Variants in EYS observed in about 807,000 individuals in gnomAD.
EYS encodes the protein protein eyes shut homolog.
Under a neutral mutation model 282.1 loss-of-function variants are expected in EYS, and 250 were observed. That is an observed-to-expected ratio of 0.89 (90% CI 0.80 to 0.98). The LOEUF is 0.98. Among genes scored for constraint, EYS ranks in the 50% least tolerant of loss-of-function variants. The pLI is 0.00. For synonymous variants in EYS, 1,355 were observed against 1,282.9 expected, an observed-to-expected ratio of 1.06 and a Z score of -1.20; for missense variants, 4,016 against 3,709.0, an observed-to-expected ratio of 1.08 and a Z score of -2.15.
chr6:65,334,965 A>G lies in EYS; in HGVS notation c.1766+15T>C, dbSNP rs147359582. The G allele has an allele frequency of 1.0e-5, 16 of 1,601,204 alleles. No individual in the cohort carries two copies. In the African/African-American group the frequency reaches 2.0e-4, roughly 20 times the overall value. ...TTGATATGTGATATTATCTGCTCAAATGATACATAAATACCTGGGTCTATT... is the reference window on the plus strand; with the variant it reads ...TTGATATGTGATATTATCTGCTCAAGTGATACATAAATACCTGGGTCTATT... On this transcript the variant is annotated intron_variant, in intron 11 of 42. Coordinates refer to ENST00000503581, the MANE Select transcript of EYS (RefSeq NM_001142800.2).
At chr6:64,430,845 G>A (rs976185635) in intron 28 of EYS, among the ~76,000 whole-genome samples, 5 of 152,026 alleles carry the variant, frequency 3.3e-5, no homozygotes, top group Non-Finnish European at 7.4e-5. Flanking sequence ...GCTGACTGGT[G>A]GAGAATTCAT....
intron 1 of EYS, among the ~76,000 whole-genome samples, chr6:65,671,300 A>T (rs1351428710): frequency 2.0e-5 from 3 of 152,134 alleles, no homozygotes; most frequent in Non-Finnish European, 4.4e-5. Flanking sequence ...ACATGAAAAC[A>T]AAGAGATGTA....
At chr6:64,534,684 T>C (rs1764463580) in intron 26 of EYS, among the ~76,000 whole-genome samples, 1 of 152,212 alleles carries the variant, frequency 6.6e-6, no homozygotes, top group Non-Finnish European at 1.5e-5. Context: ...ATACTAAAAT[T>C]TGGCTGTTCC....
intron 26 of EYS, among the ~76,000 whole-genome samples, 181 bp from the exon 27 acceptor site, chr6:64,439,533 A>G (rs1018523804): frequency 4.6e-5 from 7 of 151,712 alleles, no homozygotes; most frequent in African/African-American, 1.7e-4. Context: ...ATTTCTTTGT[A>G]TTTGATGGCT....
chr6:65,424,343 T>C (rs1472352456), intron 5 of EYS, among the ~76,000 whole-genome samples: 1 of 152,032 alleles, frequency 6.6e-6, no homozygotes, highest in Non-Finnish European at 1.5e-5. Flanking sequence ...TATTATTTTC[T>C]TTAGTCTTAC....
intron 29 of EYS, among the ~76,000 whole-genome samples, chr6:64,324,684 T>C (rs1389220415): frequency 6.6e-6 from 1 of 152,198 alleles, no homozygotes; most frequent in Non-Finnish European, 1.5e-5. Flanking sequence ...ACGATCTTTC[T>C]TCAATGTGAT....
At chr6:65,416,270 A>G (rs927793337) in intron 5 of EYS, among the ~76,000 whole-genome samples, 1 of 151,964 alleles carries the variant, frequency 6.6e-6, no homozygotes, top group Non-Finnish European at 1.5e-5. Context: ...TGGGTTTGCT[A>G]TAAGAGTACA....
intron 37 of EYS, 138 bp downstream of exon 37, chr6:63,806,052 C>T: frequency 2.9e-6 from 2 of 698,920 alleles, no homozygotes; most frequent in Non-Finnish European, 4.7e-6. Context: ...AGCGAACATG[C>T]TCAAGGCAGA....
intron 12 of EYS, among the ~76,000 whole-genome samples, chr6:65,213,120 A>G (rs1766215674): frequency 6.6e-6 from 1 of 152,130 alleles, no homozygotes; most frequent in African/African-American, 2.4e-5. Context: ...AAATTAGCAT[A>G]TATTTGCATG....
chr6:64,792,396 T>A (rs2150001310), intron 22 of EYS, among the ~76,000 whole-genome samples: 1 of 152,040 alleles, frequency 6.6e-6, no homozygotes, highest in African/African-American at 2.4e-5. Context: ...ATTTAGATTG[T>A]TACTGTGGAG....
rs1768044381 is a variant in EYS at position 64,638,580 on chromosome 6, C to CT, written c.3444-12336dup. The stretch of plus-strand genomic sequence containing the variant: ...GTCTTTTTCATTATTTGGGAGAGTT[C>CT]TAGAATGAGCAAGACATCTTGCCTG... On this transcript the variant is annotated intron_variant, in intron 22 of 42. Transcript: ENST00000503581. Among the ~76,000 whole-genome samples the CT allele has an allele frequency of 4.4e-5, 4 of 90,442 alleles. 2 individuals are homozygous for CT. In the South Asian group the frequency reaches 1.8e-3, roughly 41 times the overall value. 59.3% of individuals were successfully genotyped at this position (90,442 alleles called of 152,430 possible).
chr6:63,800,078 A>T (rs1770747377), intron 37 of EYS, among the ~76,000 whole-genome samples: 1 of 152,204 alleles, frequency 6.6e-6, no homozygotes, highest in South Asian at 2.1e-4. Context: ...AAAGGGAAGG[A>T]TGAGAAACAC....
intron 14 of EYS, among the ~76,000 whole-genome samples, chr6:64,962,211 A>G (rs1038687226): frequency 6.6e-5 from 10 of 152,244 alleles, no homozygotes; most frequent in African/African-American, 2.2e-4. Context: ...ACTTTTCAGC[A>G]TAAACACCAT....
intron 2 of EYS, among the ~76,000 whole-genome samples, chr6:65,512,698 A>T (rs571234714): frequency 3.5e-4 from 53 of 152,152 alleles, no homozygotes; most frequent in African/African-American, 1.2e-3. Context: ...TACTGGGCAC[A>T]TAATGAAATG....
intron 30 of EYS, among the ~76,000 whole-genome samples, chr6:64,242,368 C>T (rs1368725129): frequency 2.0e-5 from 3 of 152,112 alleles, no homozygotes; most frequent in Non-Finnish European, 4.4e-5. Flanking sequence ...ATACTTTCTG[C>T]ATTTAAACCA....
At chr6:64,254,126 T>A (rs534713743) in intron 30 of EYS, among the ~76,000 whole-genome samples, 2 of 152,210 alleles carry the variant, frequency 1.3e-5, no homozygotes, top group East Asian at 3.9e-4. Context: ...TAAACAATTA[T>A]TTGGCCTTTC....
chr6:64,087,780 A>C (rs1419049572), intron 31 of EYS, among the ~76,000 whole-genome samples: 1 of 152,124 alleles, frequency 6.6e-6, no homozygotes, highest in Non-Finnish European at 1.5e-5. Context: ...TGATAAGTCC[A>C]CCAGAAAATG....
chr6:64,178,103 C>G (rs538450564), intron 31 of EYS, among the ~76,000 whole-genome samples: 1 of 152,030 alleles, frequency 6.6e-6, no homozygotes, highest in South Asian at 2.1e-4. Flanking sequence ...ATGAAAGAAG[C>G]GATACAGGTT....
At chr6:63,919,364 A>G (rs1194152800) in intron 35 of EYS, among the ~76,000 whole-genome samples, 1 of 123,608 alleles carries the variant, frequency 8.1e-6, no homozygotes, top group Non-Finnish European at 1.6e-5. Context: ...TTTTAGTCCA[A>G]CTTCATAAGA....
Sources: allele counts gnomAD v4.1 joint callset (sites outside exome capture counted in the v4.1 genomes callset), GRCh38; gene constraint gnomAD v4.1.1; transcripts MANE v1.5; gene names NCBI Gene and HGNC (gene_info 2026-07-23, HGNC 2026-07-21).